PLD5: variants seen among roughly 807,000 people sequenced by gnomAD.
The protein encoded by PLD5 is inactive phospholipase D5.
A neutral mutation model predicts 61.1 loss-of-function variants in PLD5; 36 were observed. The observed-to-expected ratio is 0.59, with a 90% CI of 0.45 to 0.78. PLD5 has a LOEUF of 0.78. PLD5 is among the 30% of genes least tolerant of loss of function. The probability of loss-of-function intolerance (pLI) is 0.00; values close to 1 mark genes in which losing one functional copy is unlikely to be tolerated. For missense variants in PLD5, 515 were observed against 644.4 expected, an observed-to-expected ratio of 0.80 and a Z score of 2.17; for synonymous variants, 243 against 242.8, an observed-to-expected ratio of 1.00 and a Z score of -0.01.
rs76854313 is a variant in PLD5 at position 242,519,068 on chromosome 1, A to C, written c.189+5020T>G. ...GCAGGAAATGATCCCAGTAAATGTTAATGTTCTTAAGCATTTGCCAGACTC... is the reference window on the plus strand; with the variant it reads ...GCAGGAAATGATCCCAGTAAATGTTCATGTTCTTAAGCATTTGCCAGACTC... On this transcript the variant is annotated intron_variant, in intron 1 of 9. Coordinates refer to ENST00000536534, the MANE Select transcript of PLD5 (RefSeq NM_001372062.1). Among the ~76,000 whole-genome samples the C allele has an allele frequency of 5.0e-3, 754 of 152,286 alleles. 11 individuals carry two copies. Among genetic ancestry groups the C allele is most frequent in the African/African-American group, 0.018 (732 of 41,558 alleles).
chr1:242,336,045 A>G (rs1284834862), intron 2 of PLD5, among the ~76,000 whole-genome samples: 4 of 152,210 alleles, frequency 2.6e-5, no homozygotes, highest in Non-Finnish European at 4.4e-5. Flanking sequence ...TAGGCACGCC[A>G]CAGGTGAAGA....
intron 2 of PLD5, among the ~76,000 whole-genome samples, chr1:242,293,242 T>G (rs1675469684): frequency 6.6e-6 from 1 of 152,096 alleles, no homozygotes; most frequent in African/African-American, 2.4e-5. Flanking sequence ...AAGAAAGTAC[T>G]GGAGATATTG....
chr1:242,356,504 T>A, intron 1 of PLD5, among the ~76,000 whole-genome samples: 1 of 152,126 alleles, frequency 6.6e-6, no homozygotes, highest in East Asian at 1.9e-4. Context: ...CTCATTTTTT[T>A]AGTTCATTCA....
At chr1:242,257,703 T>C (rs1309145726) in intron 4 of PLD5, among the ~76,000 whole-genome samples, 2 of 152,214 alleles carry the variant, frequency 1.3e-5, no homozygotes, top group Non-Finnish European at 2.9e-5. Context: ...CCACAATGTA[T>C]ACAGATTTCA....
rs373340156 is a variant in PLD5 at position 242,437,687 on chromosome 1, A to C, written c.189+86401T>G. Among the ~76,000 whole-genome samples the C allele has an allele frequency of 2.4e-4, 6 of 25,318 alleles. No individual in the cohort carries two copies. In the African/African-American group the frequency reaches 2.5e-3, roughly 11 times the overall value. 16.6% of individuals were successfully genotyped at this position (25,318 alleles called of 152,430 possible). A position where few individuals can be genotyped will look rare whatever the true frequency, so the allele number is the denominator to read the frequency against. The stretch of plus-strand genomic sequence containing the variant: ...GGGCAACACAGCAAGTTTACGTCTC[A>C]AAAAAAAAAAATTTAGTTTACAAAC... On this transcript the variant is annotated intron_variant, in intron 1 of 9. Coordinates refer to ENST00000536534, the MANE Select transcript of PLD5 (RefSeq NM_001372062.1).
intron 2 of PLD5, among the ~76,000 whole-genome samples, chr1:242,320,577 T>C (rs1004443511): frequency 1.3e-5 from 2 of 152,180 alleles, no homozygotes; most frequent in African/African-American, 4.8e-5. Context: ...CTGGAGTTTA[T>C]GAACCAGTCA....
intron 1 of PLD5, among the ~76,000 whole-genome samples, chr1:242,499,736 A>T (rs550536020): frequency 6.6e-6 from 1 of 152,346 alleles, no homozygotes; most frequent in East Asian, 1.9e-4. Flanking sequence ...ACTTGGTGGC[A>T]TAAAGCAAAC....
chr1:242,164,587 C>A (rs1443948026), intron 5 of PLD5, among the ~76,000 whole-genome samples: 1 of 152,092 alleles, frequency 6.6e-6, no homozygotes, highest in Admixed American at 6.5e-5. Flanking sequence ...TCTGTTTTAA[C>A]ATGTAGAAGC....
chr1:242,449,887 A>G (rs1666711622), intron 1 of PLD5, among the ~76,000 whole-genome samples: 1 of 152,326 alleles, frequency 6.6e-6, no homozygotes, highest in African/African-American at 2.4e-5. Flanking sequence ...CCATGGTTAC[A>G]GCAGCTCGGT....
intron 4 of PLD5, among the ~76,000 whole-genome samples, chr1:242,224,546 G>T (rs995171286): frequency 2.6e-5 from 4 of 152,066 alleles, no homozygotes; most frequent in Non-Finnish European, 1.5e-5. Flanking sequence ...ATTTATGAGA[G>T]CCGCTCGTCA....
chr1:242,434,915 G>T (rs1207373171), intron 1 of PLD5, among the ~76,000 whole-genome samples: 1 of 152,138 alleles, frequency 6.6e-6, no homozygotes, highest in African/African-American at 2.4e-5. Flanking sequence ...ATGTGAAGAT[G>T]TGCAGGTTTG....
At chr1:242,339,257 C>G (rs1242712666) in intron 2 of PLD5, among the ~76,000 whole-genome samples, 3 of 152,066 alleles carry the variant, frequency 2.0e-5, no homozygotes, top group African/African-American at 4.8e-5. Flanking sequence ...GCATGGGGCA[C>G]AGAGAGAGAC....
chr1:242,256,439 G>A lies in PLD5; in HGVS notation c.607+8898C>T, dbSNP rs1212060166. Among the ~76,000 whole-genome samples, 1 of 152,168 alleles carries A rather than the reference G, an allele frequency of 6.6e-6. No individual in the cohort carries two copies. The highest frequency in any genetic ancestry group is 1.5e-5 in the Non-Finnish European group (1 of 68,028). ...CCCACTGTGGCAGTATTAAGTGGTG[G>A]GGTCTTTGGAAAGTGACTGAGTCAC... is the stretch of plus-strand genomic sequence containing the variant. On this transcript the variant is annotated intron_variant, in intron 4 of 9. Transcript: ENST00000536534. This position sits in a 1 kb window ranked among gnomAD's most constrained non-coding sequence, Gnocchi z 5.7.
intron 4 of PLD5, among the ~76,000 whole-genome samples, chr1:242,248,918 C>T (rs1314048145): frequency 2.0e-5 from 3 of 152,020 alleles, no homozygotes; most frequent in Admixed American, 6.6e-5. Flanking sequence ...GAGGCCAAGG[C>T]GGGCGGATCA....
Position 242,439,420 on chromosome 1 carries a change from G to A in PLD5, c.189+84668C>T, listed in dbSNP as rs370530200. ...GTTCATAGGAAGTTTTTATGGGTAGGCCTGGAAGGAGCCCACATCACTTCT... is the reference window on the plus strand; with the variant it reads ...GTTCATAGGAAGTTTTTATGGGTAGACCTGGAAGGAGCCCACATCACTTCT... On this transcript the variant is annotated intron_variant, in intron 1 of 9. Transcript: ENST00000536534. Among the ~76,000 whole-genome samples, 3 of 152,290 alleles carry A rather than the reference G, an allele frequency of 2.0e-5. No individual in the cohort carries two copies. In the East Asian group the frequency reaches 5.8e-4, roughly 29 times the overall value.
At chr1:242,439,298 G>T (rs1666161311) in intron 1 of PLD5, among the ~76,000 whole-genome samples, 1 of 152,182 alleles carries the variant, frequency 6.6e-6, no homozygotes, top group African/African-American at 2.4e-5. Flanking sequence ...GAGGCTGATG[G>T]TTATCTTTGC....
chr1:242,459,942 TC>T (rs1667065964), intron 1 of PLD5, among the ~76,000 whole-genome samples: 2 of 152,190 alleles, frequency 1.3e-5, no homozygotes, highest in Non-Finnish European at 2.9e-5. Flanking sequence ...TAAAGCATAC[TC>T]CCTTCCGAGA....
At chr1:242,176,217 G>A (rs190502180) in intron 5 of PLD5, among the ~76,000 whole-genome samples, 33 of 152,234 alleles carry the variant, frequency 2.2e-4, no homozygotes, top group African/African-American at 6.7e-4. Context: ...AAAACAGCAT[G>A]GTACTGGTAC....
At chr1:242,521,130 C>T (rs1217491364) in intron 1 of PLD5, among the ~76,000 whole-genome samples, 1 of 152,216 alleles carries the variant, frequency 6.6e-6, no homozygotes, top group Non-Finnish European at 1.5e-5. Flanking sequence ...TTACAAAACA[C>T]GACTTCCTCG....
Sources: gnomAD v4.1 joint callset for allele counts (sites outside exome capture counted in the v4.1 genomes callset) on GRCh38, gnomAD v4.1.1 for gene constraint, Gnocchi (gnomAD v3.1) non-coding constraint, MANE v1.5 for transcripts, NCBI Gene and HGNC (gene_info 2026-07-23, HGNC 2026-07-21) for gene names.